The following TRPC5 variants were observed in gnomAD, a reference collection of about 807,000 sequenced individuals.
TRPC5 encodes transient receptor potential cation channel subfamily C member 5, also known as short transient receptor potential channel 5.
In TRPC5, 9 loss-of-function variants were observed where a neutral mutation model predicts 56.5. The observed-to-expected ratio is 0.16, with a 90% CI of 0.10 to 0.28. The LOEUF (loss-of-function observed/expected upper bound fraction) is 0.28, where lower values mean the gene tolerates loss of function less well. TRPC5 is among the 10% of genes least tolerant of loss of function. The probability of loss-of-function intolerance (pLI) is 1.00; values close to 1 mark genes in which losing one functional copy is unlikely to be tolerated. For missense variants in TRPC5, 469 were observed against 748.9 expected (o/e 0.63, Z 4.36); for synonymous variants, 282 against 278.5 (o/e 1.01, Z -0.13).
rs73639656 is a variant in TRPC5, at chrX:111,822,560, G to T, written c.1896+12361C>A. ...GCAAATAGTGAAATTTGAAACTGTA[G>T]TTCCATGATTGGACAGTCCATGTAG... On this transcript the variant is annotated intron_variant, in intron 7 of 10. Transcript: ENST00000262839. Among the ~76,000 whole-genome samples, 452 of 111,866 alleles carry T rather than the reference G, an allele frequency of 4.0e-3. 2 individuals carry two copies. Among genetic ancestry groups the T allele is most frequent in the African/African-American group, 0.014 (435 of 30,769 alleles).
chrX:111,801,090 T>C (rs747741963), intron 7 of TRPC5, among the ~76,000 whole-genome samples: 1 of 112,332 alleles, frequency 8.9e-6, no homozygotes, highest in East Asian at 2.8e-4. Context: ...CTAATCATTC[T>C]ACTTTCATCT....
chrX:111,977,319 A>G (rs1288737077), intron 1 of TRPC5, among the ~76,000 whole-genome samples: 1 of 111,617 alleles, frequency 9.0e-6, no homozygotes, highest in East Asian at 2.8e-4. Context: ...TAACCAAAAA[A>G]TAAACGCACA....
rs926294006 is a variant in TRPC5 at position 112,081,939 on chromosome X, T to C, written c.-82A>G. On this transcript the variant is annotated 5_prime_UTR_variant, in exon 1 of 11. Transcript: ENST00000262839. ...TCGTCTGGATGTCCACCGGCCAGGATGCGTGGTGCGGCGCCTTGCCGGACT... is the reference window on the plus strand; with the variant it reads ...TCGTCTGGATGTCCACCGGCCAGGACGCGTGGTGCGGCGCCTTGCCGGACT... The C allele has an allele frequency of 6.3e-5, 7 of 111,541 alleles. No homozygotes were observed. The highest frequency in any genetic ancestry group is 5.7e-4 in the Admixed American group (6 of 10,538). The allele number at this position is 111,541 out of a possible 1,213,427, so 9.2% of individuals were successfully genotyped here.
In TRPC5 at chrX:111,997,629, A is replaced by G. The variant is rs1192978756; in HGVS notation, c.-21-45188T>C. ...GTTCCCATCACTTTTAGGTACACCA[A>G]TCAAACATAGATTTGGTCTTTTCAC... On this transcript the variant is annotated intron_variant, in intron 1 of 10. Transcript: ENST00000262839. Among the ~76,000 whole-genome samples, 3 of 110,894 alleles carry G rather than the reference A, an allele frequency of 2.7e-5. 1 individual carries two copies. Among genetic ancestry groups the G allele is most frequent in the Non-Finnish European group, 5.7e-5 (3 of 53,089 alleles).
At chrX:111,938,413 C>G (rs1247384698) in intron 2 of TRPC5, among the ~76,000 whole-genome samples, 1 of 108,851 alleles carries the variant, frequency 9.2e-6, no homozygotes, top group East Asian at 2.9e-4. Context: ...GAAGGCATCC[C>G]TGTCTTGTGC....
intron 2 of TRPC5, among the ~76,000 whole-genome samples, chrX:111,947,973 A>G (rs1202088750): frequency 8.9e-6 from 1 of 112,272 alleles, no homozygotes; most frequent in African/African-American, 3.2e-5. Flanking sequence ...TCCGTGAGTT[A>G]TAATTAAGTT....
chrX:111,870,112 T>C (rs928567906), intron 3 of TRPC5, among the ~76,000 whole-genome samples: 26 of 112,112 alleles, frequency 2.3e-4, no homozygotes, highest in Non-Finnish European at 4.9e-4. Context: ...GATAATTCTT[T>C]GAGAGGTTGT....
At chrX:111,906,741 C>A (rs1343803361) in intron 3 of TRPC5, among the ~76,000 whole-genome samples, 1 of 111,772 alleles carries the variant, frequency 8.9e-6, no homozygotes, top group African/African-American at 3.3e-5. Flanking sequence ...CCACAAACCT[C>A]GACTCATCGA....
chrX:111,801,290 T>C (rs1603034052), intron 7 of TRPC5, among the ~76,000 whole-genome samples: 2 of 112,240 alleles, frequency 1.8e-5, no homozygotes, highest in African/African-American at 3.2e-5. Context: ...CATTAATCAA[T>C]TGATGGTCAT....
chrX:112,078,857 T>C (rs1930897578), intron 1 of TRPC5, among the ~76,000 whole-genome samples: 1 of 111,857 alleles, frequency 8.9e-6, no homozygotes, highest in Admixed American at 9.5e-5. Context: ...GGACAAAGTT[T>C]GAGGGGCCCA....
intron 7 of TRPC5, among the ~76,000 whole-genome samples, chrX:111,821,886 CT>C (rs1025458917): frequency 3.7e-5 from 4 of 107,331 alleles, no homozygotes; most frequent in East Asian, 2.9e-4. Context: ...AGGATCAATT[CT>C]TTTTTTTTTA....
chrX:111,934,847 C>T (rs188308220), intron 2 of TRPC5, among the ~76,000 whole-genome samples: 2 of 112,369 alleles, frequency 1.8e-5, no homozygotes, highest in African/African-American at 6.5e-5. Flanking sequence ...ATATGCAGCA[C>T]ATTATCTTTA....
chrX:111,958,691 G>T (rs1927298244), intron 1 of TRPC5, among the ~76,000 whole-genome samples: 1 of 112,033 alleles, frequency 8.9e-6, no homozygotes, highest in Non-Finnish European at 1.9e-5. Flanking sequence ...TGCCTTTTGT[G>T]AATCTACAAA....
chrX:111,847,032 C>A, intron 6 of TRPC5, 82 bp downstream of exon 6: 1 of 1,039,739 alleles, frequency 9.6e-7, no homozygotes, highest in Non-Finnish European at 1.3e-6. Context: ...AAGCTGTAGG[C>A]TGAAAACAGG....
At chrX:112,047,860 T>A (rs1930092684) in intron 1 of TRPC5, among the ~76,000 whole-genome samples, 1 of 111,916 alleles carries the variant, frequency 8.9e-6, no homozygotes, top group Non-Finnish European at 1.9e-5. Flanking sequence ...GAAAGACTGT[T>A]CTTATCTTTC....
In TRPC5 at chrX:111,776,091, G is replaced by A; in HGVS notation, c.*222C>T. 1 of 318,739 alleles carries A rather than the reference G, an allele frequency of 3.1e-6. No homozygotes were observed. Among genetic ancestry groups the A allele is most frequent in the Non-Finnish European group, 5.4e-6 (1 of 184,400 alleles). 26.3% of individuals were successfully genotyped at this position (318,739 alleles called of 1,213,427 possible). A position where few individuals can be genotyped will look rare whatever the true frequency, so the allele number is the denominator to read the frequency against. On this transcript the variant is annotated 3_prime_UTR_variant, in exon 11 of 11. Coordinates refer to ENST00000262839, the MANE Select transcript of TRPC5 (RefSeq NM_012471.3). ...ACACCCCTTCAGTCGGTTGTAAGATGGACTTAGTGTGTATAGGTATTAAAA... is the reference window on the plus strand; with the variant it reads ...ACACCCCTTCAGTCGGTTGTAAGATAGACTTAGTGTGTATAGGTATTAAAA...
chrX:112,036,186 C>T (rs1929737016), intron 1 of TRPC5, among the ~76,000 whole-genome samples: 1 of 111,598 alleles, frequency 9.0e-6, no homozygotes, highest in Non-Finnish European at 1.9e-5. Flanking sequence ...GATTTTGAAT[C>T]TCCTAATTTC....
intron 1 of TRPC5, among the ~76,000 whole-genome samples, chrX:111,953,048 T>C (rs1382901295): frequency 8.9e-6 from 1 of 111,947 alleles, no homozygotes; most frequent in Non-Finnish European, 1.9e-5. Flanking sequence ...CATTTGTAAC[T>C]GTCCCACATG....
intron 2 of TRPC5, among the ~76,000 whole-genome samples, chrX:111,935,953 T>G (rs1358211558): frequency 1.8e-5 from 2 of 111,808 alleles, no homozygotes; most frequent in Non-Finnish European, 1.9e-5. Context: ...CTATTTTGGG[T>G]CTTCTGTTGT....
Sources: gnomAD v4.1 joint callset for allele counts (sites outside exome capture counted in the v4.1 genomes callset) on GRCh38, gnomAD v4.1.1 for gene constraint, MANE v1.5 for transcripts, NCBI Gene and HGNC (gene_info 2026-07-23, HGNC 2026-07-21) for gene names.